The following DLGAP3 variants were observed in gnomAD, a reference collection of about 807,000 sequenced individuals.
The protein encoded by DLGAP3 is DLG associated protein 3.
Under a neutral mutation model 81.2 loss-of-function variants are expected in DLGAP3, and 17 were observed. That is an observed-to-expected ratio of 0.21 (90% confidence interval 0.14 to 0.31). DLGAP3 has a LOEUF of 0.31. Ranked by LOEUF, DLGAP3 falls within the 10% of genes least tolerant of loss-of-function variation. The pLI is 1.00. For missense variants in DLGAP3, 1,124 were observed against 1,388.0 expected, an observed-to-expected ratio of 0.81 and a Z score of 3.02; for synonymous variants, 577 against 587.4, an observed-to-expected ratio of 0.98 and a Z score of 0.26.
chr1:34,888,801 G>A (rs185065770), intron 5 of DLGAP3, among the ~76,000 whole-genome samples: 166 of 152,308 alleles, frequency 1.1e-3, no homozygotes, highest in Non-Finnish European at 3.2e-4. Flanking sequence ...TATTTCTGGG[G>A]CACCAAAGAC....
At chr1:34,879,383 C>T (rs1333478824) in intron 8 of DLGAP3, among the ~76,000 whole-genome samples, 1 of 152,126 alleles carries the variant, frequency 6.6e-6, no homozygotes, top group Non-Finnish European at 1.5e-5. Flanking sequence ...AGGGTTCAGG[C>T]TCCAATGAGA....
intron 8 of DLGAP3, among the ~76,000 whole-genome samples, chr1:34,882,942 T>C (rs1639166568): frequency 6.6e-6 from 1 of 152,148 alleles, no homozygotes; most frequent in African/African-American, 2.4e-5. Flanking sequence ...CCTCCACATA[T>C]GCTATTCCCT....
intron 8 of DLGAP3, among the ~76,000 whole-genome samples, chr1:34,871,350 C>T (rs541599561): frequency 3.3e-5 from 5 of 152,328 alleles, no homozygotes; most frequent in Non-Finnish European, 7.3e-5. Context: ...GGCCTTCCTC[C>T]TCCTGGCTCC....
At chr1:34,912,926 G>GC (rs999564732) in intron 1 of DLGAP3, among the ~76,000 whole-genome samples, 41 of 152,248 alleles carry the variant, frequency 2.7e-4, no homozygotes, top group African/African-American at 9.4e-4. Flanking sequence ...TTCTGACTGA[G>GC]CCCCCCTGAC....
chr1:34,921,037 G>C (rs1322539404), intron 1 of DLGAP3, among the ~76,000 whole-genome samples: 2 of 152,168 alleles, frequency 1.3e-5, no homozygotes, highest in Non-Finnish European at 1.5e-5. Flanking sequence ...GAGTTGCCTA[G>C]AGAGCATTTC....
intron 8 of DLGAP3, among the ~76,000 whole-genome samples, chr1:34,871,064 A>C (rs1323765080): frequency 2.0e-5 from 3 of 152,218 alleles, no homozygotes; most frequent in African/African-American, 7.2e-5. Context: ...TGCATATTTT[A>C]AGATCTGGGG....
intron 8 of DLGAP3, among the ~76,000 whole-genome samples, chr1:34,879,697 T>A (rs552805114): frequency 2.0e-5 from 3 of 151,830 alleles, no homozygotes; most frequent in South Asian, 2.1e-4. Flanking sequence ...AAAAAAAAAA[T>A]TATTCTAAAA....
intron 11 of DLGAP3, among the ~76,000 whole-genome samples, chr1:34,866,509 G>A (rs1267537024): frequency 2.6e-5 from 4 of 152,214 alleles, no homozygotes; most frequent in Non-Finnish European, 4.4e-5. Context: ...CCAAAGCGCG[G>A]CGCGTTCGAG....
chr1:34,894,222 G>C (rs1569629539), intron 5 of DLGAP3, among the ~76,000 whole-genome samples: 1 of 139,128 alleles, frequency 7.2e-6, no homozygotes, highest in African/African-American at 2.6e-5. Context: ...AAACATGAAT[G>C]GACAAAAACA....
intron 11 of DLGAP3, 55 bp from the exon 12 acceptor site, chr1:34,866,356 G>A: frequency 7.2e-7 from 1 of 1,391,462 alleles, no homozygotes; most frequent in Non-Finnish European, 9.5e-7. Flanking sequence ...CAACACCCAG[G>A]TGTCCGCCCC....
rs551608773 is a variant in DLGAP3 at position 34,920,746 on chromosome 1, C to T, written c.-135+8705G>A. ...ATTTCTTTATTCAACAAATATGTAT[C>T]GACTGCCTACTCCAAGCTGAATACT... On this transcript the variant is annotated intron_variant, in intron 1 of 11. Coordinates refer to ENST00000373347, the MANE Select transcript of DLGAP3 (RefSeq NM_001080418.3). 1.2e-4 allele frequency among the ~76,000 whole-genome samples: 19 copies of T among 152,210 alleles called. No homozygotes were observed. In the South Asian group the frequency reaches 2.1e-3, roughly 17 times the overall value.
chr1:34,866,789 C>CT (rs1025101545), intron 11 of DLGAP3, among the ~76,000 whole-genome samples: 2 of 151,482 alleles, frequency 1.3e-5, no homozygotes, highest in East Asian at 2.0e-4. Context: ...CCGCCACCCC[C>CT]CCAACCCCGC....
rs147710532 is a variant in DLGAP3 at position 34,928,731 on chromosome 1, GCA to G, written c.-135+718_-135+719del. Among the ~76,000 whole-genome samples the G allele has an allele frequency of 2.7e-3, 407 of 148,682 alleles. 2 individuals carry two copies. Among genetic ancestry groups the G allele is most frequent in the African/African-American group, 8.5e-3 (345 of 40,672 alleles). ...ACAGCCAACGCACGCGCGCGCACACGCACACACACACACACACAGTCACACAG... is the reference window on the plus strand; with the variant it reads ...ACAGCCAACGCACGCGCGCGCACACGCACACACACACACACAGTCACACAG... On this transcript the variant is annotated intron_variant, in intron 1 of 11. Transcript: ENST00000373347.
At chr1:34,926,290 G>A (rs911944722) in intron 1 of DLGAP3, among the ~76,000 whole-genome samples, 3 of 152,164 alleles carry the variant, frequency 2.0e-5, no homozygotes, top group Non-Finnish European at 4.4e-5. Flanking sequence ...GGGCTGGTAG[G>A]AAGAGATGCT....
rs66505362 is a variant in DLGAP3, at chr1:34,887,407, TAA to T, written c.1387-1124_1387-1123del. On this transcript the variant is annotated intron_variant, in intron 5 of 11. Transcript: ENST00000373347. ...TTTGGTGGTGCAGAATCCATGGTGT[TAA>T]AAAAAAAAAAAGTTAAAGTATGAAA... Among the ~76,000 whole-genome samples, 46 of 144,462 alleles carry T rather than the reference TAA, an allele frequency of 3.2e-4. No homozygotes were observed. The East Asian group carries it at 4.6e-3, about 14-fold the overall frequency. The allele number at this position is 144,462 out of a possible 152,430, so 94.8% of individuals were successfully genotyped here.
intron 5 of DLGAP3, among the ~76,000 whole-genome samples, chr1:34,893,179 A>G (rs1639340659): frequency 2.4e-4 from 1 of 4,228 alleles, no homozygotes; most frequent in Non-Finnish European, 2.4e-3. Flanking sequence ...ACTCCGTCTC[A>G]AAAAAAAAAA....
At chr1:34,891,151 C>T (rs147511529) in intron 5 of DLGAP3, among the ~76,000 whole-genome samples, 1 of 152,298 alleles carries the variant, frequency 6.6e-6, no homozygotes, top group East Asian at 1.9e-4. Flanking sequence ...AACAAAGAAA[C>T]ATGTATTCAT....
Position 34,873,809 on chromosome 1 carries a change from C to A in DLGAP3, c.2001-4720G>T, listed in dbSNP as rs1365639815. 1.3e-5 allele frequency among the ~76,000 whole-genome samples: 2 copies of A among 150,190 alleles called. No homozygotes were observed. The highest frequency in any genetic ancestry group is 3.0e-5 in the Non-Finnish European group (2 of 67,694). ...CTCCTCACTAAATAGGGCAGTTCAT[C>A]ACACTGGTTGGTTGGTTGGTTGGTT... On this transcript the variant is annotated intron_variant, in intron 8 of 11. Transcript: ENST00000373347. The surrounding 1 kb of genome is among the most constrained non-coding windows in gnomAD (Gnocchi z 4.2).
Position 34,902,833 on chromosome 1 carries a change from C to A in DLGAP3, c.1107+1444G>T, listed in dbSNP as rs759808791. ...GGAGGTCAGGGCAGCCCTGAAGCAG[C>A]AGCAGGGAGCAGCGAAATGGCAACA... On this transcript the variant is annotated intron_variant, in intron 3 of 11. Transcript: ENST00000373347. The surrounding 1 kb of genome is among the most constrained non-coding windows in gnomAD (Gnocchi z 4.4). Among the ~76,000 whole-genome samples, 8 of 152,098 alleles carry A rather than the reference C, an allele frequency of 5.3e-5. No homozygotes were observed. The highest frequency in any genetic ancestry group is 8.8e-5 in the Non-Finnish European group (6 of 68,008).
Sources: allele counts gnomAD v4.1 joint callset (sites outside exome capture counted in the v4.1 genomes callset), GRCh38; gene constraint gnomAD v4.1.1; non-coding constraint Gnocchi (gnomAD v3.1); transcripts MANE v1.5; gene names NCBI Gene and HGNC (gene_info 2026-07-23, HGNC 2026-07-21).